Variants in CLSTN2 observed in about 807,000 individuals in gnomAD.
The protein encoded by CLSTN2 is calsyntenin 2, also known as calsyntenin-2.
In CLSTN2, 48 loss-of-function variants were observed where a neutral mutation model predicts 101.2. The ratio of observed to expected loss-of-function variants is 0.47; its 90% CI spans 0.38 to 0.60. The LOEUF (loss-of-function observed/expected upper bound fraction) is 0.60. Among genes scored for constraint, CLSTN2 ranks in the 20% least tolerant of loss-of-function variants. CLSTN2 has a pLI of 0.00. For synonymous variants in CLSTN2, 481 were observed against 463.6 expected (o/e 1.04, Z -0.48); for missense variants, 1,160 against 1,238.2 (o/e 0.94, Z 0.95).
chr3:140,575,257 A>G lies in CLSTN2; in HGVS notation c.*9004A>G, dbSNP rs1985697178. 6.6e-6 allele frequency: 1 copy of G among 152,246 alleles called. No homozygotes were observed. Among genetic ancestry groups the G allele is most frequent in the Non-Finnish European group, 1.5e-5 (1 of 68,064 alleles). The allele number at this position is 152,246 out of a possible 1,614,324, so 9.4% of individuals were successfully genotyped here. A position where few individuals can be genotyped will look rare whatever the true frequency, so the allele number is the denominator to read the frequency against. Reference sequence around the variant, plus strand: ...AAAGTAAGATAGGAGATATTGAGGGAAAATGTGACTCATAGTTGGAGAGGA... The same window carrying G: ...AAAGTAAGATAGGAGATATTGAGGGGAAATGTGACTCATAGTTGGAGAGGA... On this transcript the variant is annotated 3_prime_UTR_variant, in exon 17 of 17. Transcript: ENST00000458420.
At chr3:140,431,843 G>A (rs1206662887) in intron 5 of CLSTN2, among the ~76,000 whole-genome samples, 1 of 152,188 alleles carries the variant, frequency 6.6e-6, no homozygotes, top group Non-Finnish European at 1.5e-5. Context: ...CTGAGCTTTG[G>A]TTCCCTAACT....
At chr3:140,442,937 C>T (rs780911135) in intron 5 of CLSTN2, among the ~76,000 whole-genome samples, 37 of 152,350 alleles carry the variant, frequency 2.4e-4, no homozygotes, top group Non-Finnish European at 4.4e-4. Flanking sequence ...ACCCTCCTAG[C>T]TTCTTCCAGT....
chr3:140,515,324 T>G (rs1934896806), intron 8 of CLSTN2, among the ~76,000 whole-genome samples: 1 of 152,112 alleles, frequency 6.6e-6, no homozygotes, highest in Non-Finnish European at 1.5e-5. Context: ...TTTGGTTTAA[T>G]TAGTCTTTTT....
At chr3:140,154,573 AG>A (rs1367991886) in intron 1 of CLSTN2, among the ~76,000 whole-genome samples, 1 of 151,616 alleles carries the variant, frequency 6.6e-6, no homozygotes, top group East Asian at 1.9e-4. Flanking sequence ...CCATCATGGC[AG>A]AAGGTGAAGA....
intron 1 of CLSTN2, among the ~76,000 whole-genome samples, chr3:140,014,196 G>C (rs1439354140): frequency 1.3e-5 from 2 of 152,080 alleles, no homozygotes; most frequent in African/African-American, 4.8e-5. Flanking sequence ...TGATGGCAGG[G>C]AGGATGCAAT....
chr3:140,529,926 C>G lies in CLSTN2; in HGVS notation c.1345-2398C>G, dbSNP rs139161449. On this transcript the variant is annotated intron_variant, in intron 8 of 16. Transcript: ENST00000458420. ...CAGGATTTTTATTTATTTTTTATTA[C>G]TCAGTGTGGCAAGGGTGCCATGCAT... Among the ~76,000 whole-genome samples, 500 of 152,136 alleles carry G rather than the reference C, an allele frequency of 3.3e-3. 1 individual carries two copies. The highest frequency in any genetic ancestry group is 6.1e-3 in the Non-Finnish European group (412 of 68,004).
rs528054559 is a variant in CLSTN2 at position 140,478,783 on chromosome 3, A to AGGG, written c.1344+12053_1344+12055dup. Among the ~76,000 whole-genome samples the AGGG allele has an allele frequency of 3.3e-4, 36 of 108,894 alleles. 1 individual carries two copies. The South Asian group carries it at 0.011, about 34-fold the overall frequency. 71.4% of individuals were successfully genotyped at this position (108,894 alleles called of 152,430 possible). A position where few individuals can be genotyped will look rare whatever the true frequency, so the allele number is the denominator to read the frequency against. On this transcript the variant is annotated intron_variant, in intron 8 of 16. Coordinates refer to ENST00000458420, the MANE Select transcript of CLSTN2 (RefSeq NM_022131.3). ...ACAAGAACTGAAAAAAGAGGGAGGA[A>AGGG]GGGAAGGGAAGGGAAGAAGGGAGGA...
chr3:140,160,029 G>A (rs1026106665), intron 1 of CLSTN2, among the ~76,000 whole-genome samples: 2 of 152,152 alleles, frequency 1.3e-5, no homozygotes, highest in Non-Finnish European at 2.9e-5. Flanking sequence ...AGCATGGGGA[G>A]AGGGTGTATG....
At chr3:140,159,472 T>A (rs1325226095) in intron 1 of CLSTN2, among the ~76,000 whole-genome samples, 1 of 152,062 alleles carries the variant, frequency 6.6e-6, no homozygotes, top group African/African-American at 2.4e-5. Flanking sequence ...CCCAATGAAA[T>A]ATCATCTCAC....
At chr3:140,136,382 G>A (rs1460320199) in intron 1 of CLSTN2, among the ~76,000 whole-genome samples, 1 of 152,172 alleles carries the variant, frequency 6.6e-6, no homozygotes, top group Non-Finnish European at 1.5e-5. Context: ...CTGTAAAATG[G>A]ACACAATGGT....
intron 1 of CLSTN2, among the ~76,000 whole-genome samples, chr3:139,971,967 A>G (rs1302146852): frequency 6.6e-6 from 1 of 152,084 alleles, no homozygotes; most frequent in Non-Finnish European, 1.5e-5. Context: ...GAGGCTCCTT[A>G]AAAGAACAAG....
At chr3:140,177,929 C>T (rs1431175835) in intron 2 of CLSTN2, among the ~76,000 whole-genome samples, 1 of 152,108 alleles carries the variant, frequency 6.6e-6, no homozygotes, top group Non-Finnish European at 1.5e-5. Flanking sequence ...TTCCCTCATC[C>T]CCTTTCCTCC....
At chr3:140,084,922 T>C (rs2008656380) in intron 1 of CLSTN2, among the ~76,000 whole-genome samples, 2 of 152,260 alleles carry the variant, frequency 1.3e-5, no homozygotes, top group Non-Finnish European at 2.9e-5. Context: ...ACTGAATGTG[T>C]GTGCATACAC....
chr3:140,293,046 G>A (rs957649170), intron 2 of CLSTN2, among the ~76,000 whole-genome samples: 2 of 152,328 alleles, frequency 1.3e-5, no homozygotes, highest in Middle Eastern at 3.4e-3. Context: ...CACATTGATG[G>A]AGAAGCCTAG....
chr3:140,367,574 A>G (rs1286473756), intron 2 of CLSTN2, among the ~76,000 whole-genome samples: 1 of 151,550 alleles, frequency 6.6e-6, no homozygotes, highest in African/African-American at 2.4e-5. Context: ...TGTATTTGGA[A>G]CTTGACTATT....
chr3:140,147,782 C>G (rs543484558), intron 1 of CLSTN2, among the ~76,000 whole-genome samples: 4 of 152,330 alleles, frequency 2.6e-5, no homozygotes, highest in African/African-American at 9.6e-5. Flanking sequence ...CAACCCCTAA[C>G]ACAAAGTATT....
At chr3:140,390,899 A>G (rs2088107274) in intron 2 of CLSTN2, among the ~76,000 whole-genome samples, 1 of 152,232 alleles carries the variant, frequency 6.6e-6, no homozygotes, top group Non-Finnish European at 1.5e-5. Flanking sequence ...GAATTGTTAT[A>G]ATGAAAACAC....
At chr3:140,023,977 A>C (rs906124041) in intron 1 of CLSTN2, among the ~76,000 whole-genome samples, 12 of 152,186 alleles carry the variant, frequency 7.9e-5, no homozygotes, top group African/African-American at 2.9e-4. Flanking sequence ...GGGGGACTAC[A>C]GTTGCTTCTA....
intron 1 of CLSTN2, among the ~76,000 whole-genome samples, chr3:140,125,103 G>A (rs2009408140): frequency 1.3e-5 from 2 of 152,122 alleles, no homozygotes; most frequent in Admixed American, 6.5e-5. Flanking sequence ...GGGTCTCAGT[G>A]GAATGGTAGG....
Sources: allele counts gnomAD v4.1 joint callset (sites outside exome capture counted in the v4.1 genomes callset), GRCh38; gene constraint gnomAD v4.1.1; transcripts MANE v1.5; gene names NCBI Gene and HGNC (gene_info 2026-07-23, HGNC 2026-07-21).